Variants in SCFD2 observed in about 807,000 individuals in gnomAD.
SCFD2 encodes the protein sec1 family domain-containing protein 2.
SCFD2 carries 54 observed loss-of-function variants against 58.9 expected under a neutral mutation model. The ratio of observed to expected loss-of-function variants is 0.92; its 90% CI spans 0.74 to 1.15. The LOEUF (loss-of-function observed/expected upper bound fraction) is 1.15. SCFD2 is among the 50% of genes most tolerant of loss of function. The pLI, the probability that SCFD2 is intolerant of heterozygous loss-of-function variation, is 0.00. For missense variants in SCFD2, 805 were observed against 836.6 expected (o/e 0.96, Z 0.47); for synonymous variants, 321 against 335.9 (o/e 0.96, Z 0.49).
At chr4:53,252,739 A>T (rs963645146) in intron 4 of SCFD2, among the ~76,000 whole-genome samples, 9 of 152,196 alleles carry the variant, frequency 5.9e-5, no homozygotes, top group Non-Finnish European at 2.9e-5. Context: ...TTAATTCAAG[A>T]TGGATTATTA....
chr4:53,144,794 G>A (rs923521366), intron 5 of SCFD2, among the ~76,000 whole-genome samples: 2 of 152,112 alleles, frequency 1.3e-5, no homozygotes, highest in African/African-American at 4.8e-5. Context: ...GCAATTAGAA[G>A]AGAGGCCATG....
At chr4:52,990,237 A>C (rs1316001412) in intron 5 of SCFD2, among the ~76,000 whole-genome samples, 1 of 152,208 alleles carries the variant, frequency 6.6e-6, no homozygotes. Context: ...TTTAATATCG[A>C]CTGAAAACAT....
chr4:53,261,668 A>C (rs552641447), intron 4 of SCFD2, among the ~76,000 whole-genome samples: 118 of 152,266 alleles, frequency 7.7e-4, no homozygotes, highest in African/African-American at 2.7e-3. Context: ...AGAACATTCC[A>C]TGTGCTGATG....
chr4:52,929,926 T>C (rs531079108), intron 5 of SCFD2, among the ~76,000 whole-genome samples: 238 of 152,292 alleles, frequency 1.6e-3, no homozygotes, highest in African/African-American at 5.3e-3. Flanking sequence ...AAAATGGCCA[T>C]ATATTCCAAA....
chr4:53,063,638 C>G (rs181776302), intron 5 of SCFD2, among the ~76,000 whole-genome samples: 38 of 152,228 alleles, frequency 2.5e-4, no homozygotes, highest in Non-Finnish European at 4.9e-4. Flanking sequence ...ATCTGTCTGA[C>G]TCTAGGACAA....
chr4:52,882,359 G>GCAGATT (rs1323870273), intron 8 of SCFD2, among the ~76,000 whole-genome samples: 2 of 152,194 alleles, frequency 1.3e-5, no homozygotes, highest in African/African-American at 4.8e-5. Flanking sequence ...TGCCAAAGAG[G>GCAGATT]CAGATTTGGG....
intron 5 of SCFD2, among the ~76,000 whole-genome samples, chr4:53,045,710 G>A (rs1488672821): frequency 2.6e-5 from 4 of 152,086 alleles, no homozygotes; most frequent in Non-Finnish European, 4.4e-5. Flanking sequence ...GATAGATAGA[G>A]TGGGTGTTCA....
intron 5 of SCFD2, among the ~76,000 whole-genome samples, chr4:53,107,943 G>A (rs765302197): frequency 1.2e-4 from 19 of 152,180 alleles, no homozygotes; most frequent in Admixed American, 2.6e-4. Flanking sequence ...GCACCACATC[G>A]CACTTATTCT....
chr4:53,083,124 G>A (rs1253678041), intron 5 of SCFD2, among the ~76,000 whole-genome samples: 1 of 152,086 alleles, frequency 6.6e-6, no homozygotes, highest in Non-Finnish European at 1.5e-5. Flanking sequence ...AATCGGTGAT[G>A]GGTGAAGGCT....
At chr4:53,221,261 T>C (rs1170345181) in intron 4 of SCFD2, among the ~76,000 whole-genome samples, 1 of 152,172 alleles carries the variant, frequency 6.6e-6, no homozygotes, top group East Asian at 1.9e-4. Context: ...CAGAATCTCC[T>C]CAAATAAAGG....
intron 4 of SCFD2, among the ~76,000 whole-genome samples, chr4:53,186,141 C>T (rs950232332): frequency 6.6e-6 from 1 of 152,130 alleles, no homozygotes; most frequent in African/African-American, 2.4e-5. Flanking sequence ...ATCTTTATGA[C>T]AGTCCTATAA....
intron 4 of SCFD2, among the ~76,000 whole-genome samples, chr4:53,263,927 T>A (rs1730904200): frequency 6.6e-6 from 1 of 152,112 alleles, no homozygotes. Context: ...GGAGCAGGAA[T>A]AGGTGTGTCT....
At chr4:53,319,990 G>A (rs1437303691) in intron 2 of SCFD2, among the ~76,000 whole-genome samples, 1 of 152,158 alleles carries the variant, frequency 6.6e-6, no homozygotes, top group Non-Finnish European at 1.5e-5. Context: ...TCTTTTTGGT[G>A]CTTTATATCC....
chr4:53,159,685 T>G (rs966751724), intron 4 of SCFD2, among the ~76,000 whole-genome samples: 3 of 151,960 alleles, frequency 2.0e-5, no homozygotes, highest in African/African-American at 7.3e-5. Context: ...GAAACCAGAT[T>G]CCCCCCACCC....
chr4:53,031,433 CA>C, intron 5 of SCFD2, among the ~76,000 whole-genome samples: 1 of 152,268 alleles, frequency 6.6e-6, no homozygotes, highest in East Asian at 1.9e-4. Flanking sequence ...ATAAGTTTGA[CA>C]AACTGACAGA....
At chr4:53,094,878 C>A (rs1437835821) in intron 5 of SCFD2, among the ~76,000 whole-genome samples, 1 of 152,114 alleles carries the variant, frequency 6.6e-6, no homozygotes, top group Non-Finnish European at 1.5e-5. Flanking sequence ...CCCCCTCACT[C>A]CACTGAAGCT....
intron 5 of SCFD2, chr4:52,956,119 T>C (rs891676800): frequency 1.5e-5 from 7 of 456,572 alleles, no homozygotes; most frequent in Admixed American, 1.2e-4. Context: ...TTGGAATGAA[T>C]TTCTCCACAG....
rs1170765729 is a variant in SCFD2, at chr4:53,365,348, T to TCTG, written c.593_594insCAG (p.Gly198_Ser199insArg). On this transcript the variant is annotated inframe_insertion, in exon 1 of 9. Coordinates refer to ENST00000401642, the MANE Select transcript of SCFD2 (RefSeq NM_152540.4). This position sits in a 1 kb window ranked among gnomAD's most constrained non-coding sequence, Gnocchi z 4.3. Reference sequence around the variant, plus strand: ...TAGTGGAGTCCACATCACCCAGGCTTCCCAGCTTCCTCTTGTCCGGTCGGG... The same window carrying TCTG: ...TAGTGGAGTCCACATCACCCAGGCTTCTGCCCAGCTTCCTCTTGTCCGGTCGGG... 1.1e-5 allele frequency: 18 copies of TCTG among 1,613,998 alleles called. No homozygotes were observed. In the Admixed American group the frequency reaches 2.5e-4, roughly 22 times the overall value.
In SCFD2 at chr4:53,352,941, A is replaced by G. The variant is rs187653603; in HGVS notation, c.839-175T>C. ...TCACATTCACAATCACCTAGTCAAC[A>G]TGTACCTCACAGGTTGTAATTAAGG... On this transcript the variant is annotated intron_variant, in intron 1 of 8. Coordinates refer to ENST00000401642, the MANE Select transcript of SCFD2 (RefSeq NM_152540.4). Among the ~76,000 whole-genome samples, 2 of 152,318 alleles carry G rather than the reference A, an allele frequency of 1.3e-5. 1 individual carries two copies. The highest frequency in any genetic ancestry group is 4.8e-5 in the African/African-American group (2 of 41,576).
Sources: gnomAD v4.1 joint callset for allele counts (sites outside exome capture counted in the v4.1 genomes callset) on GRCh38, gnomAD v4.1.1 for gene constraint, Gnocchi (gnomAD v3.1) non-coding constraint, MANE v1.5 for transcripts, NCBI Gene and HGNC (gene_info 2026-07-23, HGNC 2026-07-21) for gene names.